The following AGTPBP1 variants were observed in gnomAD, a reference collection of about 807,000 sequenced individuals.
The protein encoded by AGTPBP1 is ATP/GTP binding carboxypeptidase 1.
AGTPBP1 carries 70 observed loss-of-function variants against 143.9 expected under a neutral mutation model. That is an observed-to-expected ratio of 0.49 (90% CI 0.40 to 0.59). The LOEUF is 0.59. AGTPBP1 is among the 20% of genes least tolerant of loss of function. The pLI, the probability that AGTPBP1 is intolerant of heterozygous loss-of-function variation, is 0.00. For synonymous variants in AGTPBP1, 463 were observed against 500.2 expected (o/e 0.93, Z 0.99); for missense variants, 1,229 against 1,464.5 (o/e 0.84, Z 2.62).
At chr9:85,642,214 C>A (rs1832521189) in intron 13 of AGTPBP1, among the ~76,000 whole-genome samples, 1 of 152,190 alleles carries the variant, frequency 6.6e-6, no homozygotes, top group African/African-American at 2.4e-5. Flanking sequence ...CAAAAGCCAG[C>A]TAATTGCCAA....
At chr9:85,567,092 C>CAA (rs1827155260) in intron 25 of AGTPBP1, among the ~76,000 whole-genome samples, 1 of 152,054 alleles carries the variant, frequency 6.6e-6, no homozygotes, top group African/African-American at 2.4e-5. Flanking sequence ...GAAAGAATCA[C>CAA]AAAATCATTA....
chr9:85,609,182 T>G (rs1677965077), intron 17 of AGTPBP1, among the ~76,000 whole-genome samples: 1 of 152,200 alleles, frequency 6.6e-6, no homozygotes, highest in African/African-American at 2.4e-5. Context: ...CAAATGTGAA[T>G]TACTGTGTAA....
chr9:85,701,282 G>T (rs1394969201), intron 2 of AGTPBP1, among the ~76,000 whole-genome samples: 2 of 148,822 alleles, frequency 1.3e-5, no homozygotes, highest in Non-Finnish European at 3.0e-5. Context: ...CACGCTGGAG[G>T]ACAGTGGTGC....
chr9:85,693,960 T>C lies in AGTPBP1; in HGVS notation c.33-1147A>G, dbSNP rs534863207. 5.3e-5 allele frequency among the ~76,000 whole-genome samples: 8 copies of C among 152,278 alleles called. No homozygotes were observed. In the East Asian group the frequency reaches 1.5e-3, roughly 29 times the overall value. On this transcript the variant is annotated intron_variant, in intron 2 of 25. Coordinates refer to ENST00000357081, the MANE Select transcript of AGTPBP1 (RefSeq NM_001330701.2). ...ACGGAGGCACAAGCTCCTAGATCCC[T>C]GCGCAGGAGCAAACCTGCCATGTTC...
chr9:85,760,117 G>T, the AGTPBP1 span, among the ~76,000 whole-genome samples: 19 of 152,182 alleles, frequency 1.2e-4, no homozygotes, highest in Admixed American at 3.9e-4. Context: ...TGAAATTGAG[G>T]CAATAATTAG....
intron 1 of AGTPBP1, among the ~76,000 whole-genome samples, chr9:85,725,619 T>C (rs1838422593): frequency 6.6e-6 from 1 of 152,172 alleles, no homozygotes; most frequent in Non-Finnish European, 1.5e-5. Context: ...ATTTTAATTC[T>C]GATGAAAAGG....
intron 18 of AGTPBP1, among the ~76,000 whole-genome samples, chr9:85,595,229 T>G (rs970464834): frequency 1.3e-5 from 2 of 152,186 alleles, no homozygotes; most frequent in African/African-American, 4.8e-5. Context: ...TCAAAACAGT[T>G]TAATTTTAGA....
chr9:85,698,292 G>T (rs1007553398), intron 2 of AGTPBP1, among the ~76,000 whole-genome samples: 1 of 152,126 alleles, frequency 6.6e-6, no homozygotes, highest in Non-Finnish European at 1.5e-5. Context: ...TGATTCCTTT[G>T]TGAGAATCAT....
At chr9:85,799,702 G>A in the AGTPBP1 span, among the ~76,000 whole-genome samples, 2 of 152,082 alleles carry the variant, frequency 1.3e-5, no homozygotes, top group Non-Finnish European at 2.9e-5. Context: ...ATTTTTCGTA[G>A]AGGTGGGATC....
At position 85,575,506 on chromosome 9, in the gene AGTPBP1, T is replaced by C. The variant is rs374614079; in HGVS notation, c.3343-31A>G. 7.0e-5 allele frequency: 109 copies of C among 1,565,860 alleles called. No homozygotes were observed. The African/African-American group carries it at 1.4e-3, about 20-fold the overall frequency. On this transcript the variant is annotated intron_variant, in intron 24 of 25. Transcript: ENST00000357081. The stretch of plus-strand genomic sequence containing the variant: ...AATAAACAAATATTATGCATATAAT[T>C]ACAAAGTTTGCTATCTTCTGGATAC...
rs575439430 is a variant in AGTPBP1 at position 85,598,382 on chromosome 9, T to G, written c.2336-1933A>C. Reference sequence around the variant, plus strand: ...GATTAGTACCACTTGTTCTTGTATCTCACATCTCCATCTCGGGTTTCAAAT... The same window carrying G: ...GATTAGTACCACTTGTTCTTGTATCGCACATCTCCATCTCGGGTTTCAAAT... On this transcript the variant is annotated intron_variant, in intron 17 of 25. Coordinates refer to ENST00000357081, the MANE Select transcript of AGTPBP1 (RefSeq NM_001330701.2). Among the ~76,000 whole-genome samples, 14 of 152,334 alleles carry G rather than the reference T, an allele frequency of 9.2e-5. 1 individual carries two copies. The South Asian group carries it at 1.4e-3, about 16-fold the overall frequency.
the AGTPBP1 span, among the ~76,000 whole-genome samples, chr9:85,760,718 G>T: frequency 6.6e-6 from 1 of 152,190 alleles, no homozygotes; most frequent in Non-Finnish European, 1.5e-5. Context: ...ACAAGACAGG[G>T]ATGCCCTCTC....
At chr9:85,655,037 A>T in intron 11 of AGTPBP1, 106 bp downstream of exon 11, 1 of 1,006,058 alleles carries the variant, frequency 9.9e-7, no homozygotes, top group Non-Finnish European at 1.4e-6. Flanking sequence ...TATCACGTTA[A>T]GTAAGGCCTT....
At chr9:85,796,839 A>T in the AGTPBP1 span, among the ~76,000 whole-genome samples, 39,768 of 151,904 alleles carry the variant, frequency 0.26, 5,623 homozygotes, top group South Asian at 0.45. Flanking sequence ...CAGGCCAGAG[A>T]GCAGTGGTGC....
chr9:85,735,334 C>A (rs1236263877), intron 1 of AGTPBP1, among the ~76,000 whole-genome samples: 6 of 152,122 alleles, frequency 3.9e-5, no homozygotes, highest in Non-Finnish European at 8.8e-5. Context: ...TTGTCAAATT[C>A]ATAGCAACAG....
rs181101976 is a variant in AGTPBP1 at position 85,561,760 on chromosome 9, C to T, written c.3503+13555G>A. Among the ~76,000 whole-genome samples, 11 of 151,410 alleles carry T rather than the reference C, an allele frequency of 7.3e-5. No individual in the cohort carries two copies. In the East Asian group the frequency reaches 1.2e-3, roughly 16 times the overall value. On this transcript the variant is annotated intron_variant, in intron 25 of 25. Transcript: ENST00000357081. The stretch of plus-strand genomic sequence containing the variant: ...AAGTATCTAACAACAGCAACAGATA[C>T]GTTGAGGGGGGTTAAATGGACTTCA...
chr9:85,667,266 A>G (rs1455327044), intron 8 of AGTPBP1, among the ~76,000 whole-genome samples: 1 of 152,138 alleles, frequency 6.6e-6, no homozygotes, highest in Non-Finnish European at 1.5e-5. Flanking sequence ...ATAAATAGTC[A>G]TATGTGCAAG....
chr9:85,611,155 C>CTTTTTT (rs56023115), intron 17 of AGTPBP1, among the ~76,000 whole-genome samples: 60 of 112,676 alleles, frequency 5.3e-4, no homozygotes, highest in Non-Finnish European at 6.8e-4. Flanking sequence ...AGGGGCTTTT[C>CTTTTTT]TTTTTTTTTT....
chr9:85,633,390 C>T lies in AGTPBP1; in HGVS notation c.1303-16G>A. The T allele has an allele frequency of 6.7e-7, 1 of 1,483,500 alleles. No homozygotes were observed. The highest frequency in any genetic ancestry group is 9.0e-7 in the Non-Finnish European group (1 of 1,106,936). The allele number at this position is 1,483,500 out of a possible 1,614,324, so 91.9% of individuals were successfully genotyped here. On this transcript the variant is annotated splice_polypyrimidine_tract_variant and intron_variant, in intron 13 of 25. Coordinates refer to ENST00000357081, the MANE Select transcript of AGTPBP1 (RefSeq NM_001330701.2). ...AATCATAGTCCTTTGAAAATAAAAA[C>T]ATGTTTAATCTTTTAACTGTAAATA...
Sources: allele counts gnomAD v4.1 joint callset (sites outside exome capture counted in the v4.1 genomes callset), GRCh38; gene constraint gnomAD v4.1.1; transcripts MANE v1.5; gene names NCBI Gene and HGNC (gene_info 2026-07-23, HGNC 2026-07-21).